Variants in ATP2C2 observed in about 807,000 individuals in gnomAD.
The protein encoded by ATP2C2 is ATPase secretory pathway Ca2+ transporting 2, also known as calcium-transporting ATPase type 2C member 2.
A neutral mutation model predicts 110.8 loss-of-function variants in ATP2C2; 171 were observed. That is an observed-to-expected ratio of 1.54 (90% CI 1.36 to 1.75). The LOEUF (loss-of-function observed/expected upper bound fraction) is 1.75, where lower values mean the gene tolerates loss of function less well. Among genes scored for constraint, ATP2C2 ranks in the 40% most tolerant of loss-of-function variants. The probability of loss-of-function intolerance (pLI) is 0.00; values close to 1 mark genes in which losing one functional copy is unlikely to be tolerated. For synonymous variants in ATP2C2, 804 were observed against 508.4 expected (o/e 1.58, Z -7.82); for missense variants, 1,963 against 1,235.0 (o/e 1.59, Z -8.84).
intron 6 of ATP2C2, among the ~76,000 whole-genome samples, chr16:84,412,552 G>GTGTA (rs1906465805): frequency 9.9e-5 from 4 of 40,462 alleles, no homozygotes; most frequent in African/African-American, 2.5e-4. Context: ...GTATGCGTGT[G>GTGTA]TGTGTGTGTG....
At chr16:84,425,974 C>G (rs1451666347) in intron 11 of ATP2C2, 173 bp downstream of exon 11, 3 of 695,262 alleles carry the variant, frequency 4.3e-6, no homozygotes, top group Non-Finnish European at 7.5e-6. Context: ...GTACAGAGTG[C>G]CCGGCGAATG....
rs1905672792 is a variant in ATP2C2 at position 84,405,379 on chromosome 16, G to C, written c.327+135G>C. 1.4e-5 allele frequency: 10 copies of C among 728,494 alleles called. No individual in the cohort carries two copies. The South Asian group carries it at 1.6e-4, about 12-fold the overall frequency. The allele number at this position is 728,494 out of a possible 1,614,324, so 45.1% of individuals were successfully genotyped here. A position where few individuals can be genotyped will look rare whatever the true frequency, so the allele number is the denominator to read the frequency against. The stretch of plus-strand genomic sequence containing the variant: ...CCTTTCACGCTGCCCCAGCCAGCCT[G>C]AGCATCAGTCATGAGCAAATCACCA... On this transcript the variant is annotated intron_variant, in intron 3 of 26. Transcript: ENST00000262429.
intron 7 of ATP2C2, among the ~76,000 whole-genome samples, chr16:84,418,679 C>G (rs545729449): frequency 6.6e-6 from 1 of 152,168 alleles, no homozygotes. Context: ...GACATGACCC[C>G]GGGCCTCTAG....
At chr16:84,428,402 G>T (rs1405010832) in intron 11 of ATP2C2, among the ~76,000 whole-genome samples, 1 of 152,216 alleles carries the variant, frequency 6.6e-6, no homozygotes, top group Non-Finnish European at 1.5e-5. Context: ...CAACATGTGG[G>T]CAGCTGTGTG....
At chr16:84,374,019 T>A (rs1295209134) in intron 1 of ATP2C2, among the ~76,000 whole-genome samples, 1 of 152,238 alleles carries the variant, frequency 6.6e-6, no homozygotes, top group Non-Finnish European at 1.5e-5. Context: ...GGCTGTCATC[T>A]GATAACCGTA....
chr16:84,413,251 T>A (rs10514605), intron 6 of ATP2C2, among the ~76,000 whole-genome samples: 10,559 of 152,138 alleles, frequency 0.069, 474 homozygotes, highest in East Asian at 0.17. Flanking sequence ...CTTTAGTATA[T>A]ATCCCAGGCA....
Position 84,459,318 on chromosome 16 carries a change from G to A in ATP2C2, c.2265G>A (p.Leu755=), listed in dbSNP as rs181099197. 1.1e-5 allele frequency: 17 copies of A among 1,614,054 alleles called. No homozygotes were observed. Among genetic ancestry groups the A allele is most frequent in the Non-Finnish European group, 1.4e-5 (16 of 1,180,036 alleles). The change falls in exon 23 of 27, where the codon CTG becomes CTA. Residue 755 remains leucine, a synonymous_variant. Coordinates refer to ENST00000262429, the MANE Select transcript of ATP2C2 (RefSeq NM_014861.4). ...TCACTCTGTCCACCGTGTTCAACCT[G>A]CCCAGCCCCCTCAACGCCATGCAGA... ...SLITLSTVFN[L]PSPLNAMQIL... is the part of the protein sequence containing the mutation.
intron 1 of ATP2C2, among the ~76,000 whole-genome samples, chr16:84,384,752 A>T (rs1319063732): frequency 6.6e-6 from 1 of 152,196 alleles, no homozygotes; most frequent in Non-Finnish European, 1.5e-5. Flanking sequence ...TCACACTGCT[A>T]TAAAGAAATA....
chr16:84,436,380 C>T (rs189396662), intron 11 of ATP2C2, among the ~76,000 whole-genome samples: 6 of 152,240 alleles, frequency 3.9e-5, no homozygotes, highest in East Asian at 3.9e-4. Context: ...TGGGCTTGCT[C>T]GCCCTGGCCG....
intron 1 of ATP2C2, among the ~76,000 whole-genome samples, chr16:84,386,556 G>T (rs1249051688): frequency 6.6e-6 from 1 of 152,174 alleles, no homozygotes; most frequent in Admixed American, 6.6e-5. Flanking sequence ...CAAGGTTCAT[G>T]CTCCAAGTAT....
intron 24 of ATP2C2, chr16:84,461,456 C>T (rs970739022): frequency 3.4e-6 from 2 of 579,840 alleles, no homozygotes; most frequent in Non-Finnish European, 6.2e-6. Flanking sequence ...CAGTTACTTC[C>T]TGGAGGAAGT....
At chr16:84,400,328 TG>T (rs1344312720) in intron 2 of ATP2C2, among the ~76,000 whole-genome samples, 10 of 135,062 alleles carry the variant, frequency 7.4e-5, no homozygotes, top group Admixed American at 2.1e-4. Context: ...TTTAGTTTTT[TG>T]TTGTTTTTTT....
At chr16:84,442,134 C>G (rs1413966416) in intron 14 of ATP2C2, among the ~76,000 whole-genome samples, 1 of 151,976 alleles carries the variant, frequency 6.6e-6, no homozygotes, top group African/African-American at 2.4e-5. Flanking sequence ...TGAATTCACC[C>G]CGTTAAAGTG....
chr16:84,441,471 C>T (rs766518464), intron 14 of ATP2C2, among the ~76,000 whole-genome samples: 1 of 152,014 alleles, frequency 6.6e-6, no homozygotes, highest in Admixed American at 6.6e-5. Context: ...TCCTGCGGTC[C>T]GAGCTGTACT....
At chr16:84,411,964 T>A (rs368992948) in intron 6 of ATP2C2, among the ~76,000 whole-genome samples, 9 of 152,112 alleles carry the variant, frequency 5.9e-5, no homozygotes, top group African/African-American at 2.2e-4. Context: ...TTTCTTTCTT[T>A]CCTTTCTCTT....
chr16:84,383,200 C>G (rs1910685193), intron 1 of ATP2C2, among the ~76,000 whole-genome samples: 1 of 152,214 alleles, frequency 6.6e-6, no homozygotes, highest in Admixed American at 6.5e-5. Context: ...CTCACTGTCC[C>G]AAAACTGAGT....
intron 26 of ATP2C2, 24 bp downstream of exon 26, chr16:84,462,153 C>T (rs377695462): frequency 3.7e-6 from 6 of 1,603,370 alleles, no homozygotes; most frequent in East Asian, 4.5e-5. Context: ...ACGGGAACGA[C>T]AGGTGACCTC....
chr16:84,454,803 C>T lies in ATP2C2; in HGVS notation c.1981-15C>T. The T allele has an allele frequency of 6.4e-7, 1 of 1,573,050 alleles. No individual in the cohort carries two copies. The highest frequency in any genetic ancestry group is 1.4e-5 in the African/African-American group (1 of 73,090). On this transcript the variant is annotated splice_polypyrimidine_tract_variant and intron_variant, in intron 20 of 26. Transcript: ENST00000262429. Reference sequence around the variant, plus strand: ...TCGTCAGGCTGCAGGCCTTCATTGCCTGCTCTTTCCAAAGGCTCTGCAGGA... The same window carrying T: ...TCGTCAGGCTGCAGGCCTTCATTGCTTGCTCTTTCCAAAGGCTCTGCAGGA...
intron 20 of ATP2C2, among the ~76,000 whole-genome samples, 187 bp from the exon 21 acceptor site, chr16:84,454,631 T>C (rs1296424572): frequency 6.6e-6 from 1 of 152,114 alleles, no homozygotes; most frequent in African/African-American, 2.4e-5. Context: ...ACTTTGCAGA[T>C]AGGGAAACTG....
Sources: allele counts gnomAD v4.1 joint callset (sites outside exome capture counted in the v4.1 genomes callset), GRCh38; gene constraint gnomAD v4.1.1; transcripts MANE v1.5; gene names NCBI Gene and HGNC (gene_info 2026-07-23, HGNC 2026-07-21).